The following CSNK1G3 variants were observed in gnomAD, a reference collection of about 807,000 sequenced individuals.
The protein encoded by CSNK1G3 is casein kinase 1 gamma 3.
CSNK1G3 carries 23 observed loss-of-function variants against 64.3 expected under a neutral mutation model. The ratio of observed to expected loss-of-function variants is 0.36; its 90% CI spans 0.26 to 0.51. CSNK1G3 has a LOEUF of 0.51. Ranked by LOEUF, CSNK1G3 falls within the 20% of genes least tolerant of loss-of-function variation. The pLI, the probability that CSNK1G3 is intolerant of heterozygous loss-of-function variation, is 0.96. For missense variants in CSNK1G3, 357 were observed against 510.5 expected, an observed-to-expected ratio of 0.70 and a Z score of 2.90; for synonymous variants, 158 against 162.2, an observed-to-expected ratio of 0.97 and a Z score of 0.20.
intron 1 of CSNK1G3, among the ~76,000 whole-genome samples, chr5:123,515,916 G>T (rs1777083623): frequency 6.6e-6 from 1 of 152,148 alleles, no homozygotes; most frequent in Admixed American, 6.5e-5. Context: ...CCTCATTTTT[G>T]AGAGCAGGAA....
chr5:123,615,384 A>T (rs1184634361), exon 13 of CSNK1G3: 1 of 152,486 alleles, frequency 6.6e-6, no homozygotes, highest in Admixed American at 6.6e-5. Flanking sequence ...GTGTCTGTGT[A>T]ATTATTTTGC....
chr5:123,596,280 T>G (rs1793426494), intron 10 of CSNK1G3, among the ~76,000 whole-genome samples: 1 of 152,118 alleles, frequency 6.6e-6, no homozygotes, highest in Non-Finnish European at 1.5e-5. Flanking sequence ...GGTGAAGAAC[T>G]TAGAGGCAAG....
At chr5:123,518,025 T>A (rs1218300433) in intron 1 of CSNK1G3, among the ~76,000 whole-genome samples, 1 of 152,164 alleles carries the variant, frequency 6.6e-6, no homozygotes, top group Non-Finnish European at 1.5e-5. Context: ...TCTATGGTTC[T>A]CACATATTTC....
At chr5:123,543,278 G>A (rs752114724) in intron 1 of CSNK1G3, among the ~76,000 whole-genome samples, 37 of 152,032 alleles carry the variant, frequency 2.4e-4, no homozygotes, top group South Asian at 2.1e-4. Context: ...CTTATGTCGG[G>A]TATGGTCCTT....
chr5:123,601,758 G>A (rs980300193), intron 10 of CSNK1G3, among the ~76,000 whole-genome samples: 5 of 152,114 alleles, frequency 3.3e-5, no homozygotes, highest in Admixed American at 6.6e-5. Flanking sequence ...GTAAGTTGAG[G>A]TGGCATCCCG....
intron 1 of CSNK1G3, among the ~76,000 whole-genome samples, chr5:123,532,526 C>G (rs909697459): frequency 2.6e-5 from 4 of 151,738 alleles, no homozygotes; most frequent in Non-Finnish European, 4.4e-5. Flanking sequence ...ATCACATAAT[C>G]TTTTGATATC....
chr5:123,582,644 C>T (rs1790516705), intron 6 of CSNK1G3, among the ~76,000 whole-genome samples: 1 of 152,068 alleles, frequency 6.6e-6, no homozygotes, highest in African/African-American at 2.4e-5. Context: ...GTGCTCATAG[C>T]AAGAGTTCTT....
At chr5:123,576,891 C>T (rs1269612379) in intron 6 of CSNK1G3, among the ~76,000 whole-genome samples, 1 of 152,040 alleles carries the variant, frequency 6.6e-6, no homozygotes, top group African/African-American at 2.4e-5. Context: ...TTTTCTAACT[C>T]CATTATTTCT....
At chr5:123,526,659 CAT>C (rs201286311) in intron 1 of CSNK1G3, among the ~76,000 whole-genome samples, 114 of 152,196 alleles carry the variant, frequency 7.5e-4, no homozygotes, top group East Asian at 3.9e-3. Context: ...TAAATTGAAA[CAT>C]GTGTTATATA....
chr5:123,523,614 G>A (rs1778519157), intron 1 of CSNK1G3, among the ~76,000 whole-genome samples: 4 of 152,192 alleles, frequency 2.6e-5, no homozygotes, highest in African/African-American at 9.7e-5. Flanking sequence ...GAGTTTAGAG[G>A]ACGTGTTATG....
chr5:123,600,388 G>A (rs1794243672), intron 10 of CSNK1G3, among the ~76,000 whole-genome samples: 1 of 152,098 alleles, frequency 6.6e-6, no homozygotes, highest in Non-Finnish European at 1.5e-5. Context: ...CACTTTGGGA[G>A]GCTGAGGCGG....
At chr5:123,527,476 A>T (rs1779282883) in intron 1 of CSNK1G3, among the ~76,000 whole-genome samples, 1 of 152,118 alleles carries the variant, frequency 6.6e-6, no homozygotes, top group Admixed American at 6.5e-5. Context: ...CAGCTTGCAC[A>T]TTTCATTCTA....
intron 1 of CSNK1G3, among the ~76,000 whole-genome samples, chr5:123,521,074 A>T (rs890954693): frequency 3.3e-5 from 5 of 152,142 alleles, no homozygotes; most frequent in Middle Eastern, 3.2e-3. Flanking sequence ...TAAAATTCTA[A>T]TTTGGAGTAC....
chr5:123,526,481 T>C (rs899660046), intron 1 of CSNK1G3, among the ~76,000 whole-genome samples: 4 of 152,166 alleles, frequency 2.6e-5, no homozygotes, highest in Non-Finnish European at 4.4e-5. Flanking sequence ...TTTTAAGATA[T>C]TTTTATATTA....
At chr5:123,551,767 C>T (rs561171527) in intron 2 of CSNK1G3, among the ~76,000 whole-genome samples, 1 of 151,936 alleles carries the variant, frequency 6.6e-6, no homozygotes, top group African/African-American at 2.4e-5. Context: ...CCAATGTGAC[C>T]AGGGCCAGTT....
intron 4 of CSNK1G3, among the ~76,000 whole-genome samples, chr5:123,558,213 CTGT>C (rs1345462640): frequency 3.9e-5 from 6 of 152,128 alleles, no homozygotes; most frequent in Non-Finnish European, 2.9e-5. Flanking sequence ...AAATAAATTT[CTGT>C]TGTTGTAAGC....
At chr5:123,587,945 T>C (rs1791629145) in intron 6 of CSNK1G3, 123 bp from the exon 7 acceptor site, 2 of 609,334 alleles carry the variant, frequency 3.3e-6, no homozygotes, top group African/African-American at 2.0e-5. Context: ...ACTAGATCTG[T>C]ATTTTGTATT....
intron 1 of CSNK1G3, among the ~76,000 whole-genome samples, chr5:123,527,988 T>A (rs1301058538): frequency 1.3e-5 from 2 of 152,196 alleles, no homozygotes; most frequent in African/African-American, 2.4e-5. Flanking sequence ...AATCTATTGA[T>A]GAGGATAAAG....
At chr5:123,563,017 C>T (rs1279908366) in intron 4 of CSNK1G3, among the ~76,000 whole-genome samples, 1 of 151,994 alleles carries the variant, frequency 6.6e-6, no homozygotes, top group East Asian at 1.9e-4. Context: ...AGTAACACTT[C>T]TTAATTTTTT....
Sources: gnomAD v4.1 joint callset for allele counts (sites outside exome capture counted in the v4.1 genomes callset) on GRCh38, gnomAD v4.1.1 for gene constraint, MANE v1.5 for transcripts, NCBI Gene and HGNC (gene_info 2026-07-23, HGNC 2026-07-21) for gene names.